Variants in NEGR1 observed in about 807,000 individuals in gnomAD.
NEGR1 encodes neuronal growth regulator 1.
NEGR1 carries 10 observed loss-of-function variants against 40.9 expected under a neutral mutation model. The ratio of observed to expected loss-of-function variants is 0.24; its 90% CI spans 0.15 to 0.42. The LOEUF is 0.42. Ranked by LOEUF, NEGR1 falls within the 10% of genes least tolerant of loss-of-function variation. NEGR1 has a pLI of 1.00. For synonymous variants in NEGR1, 185 were observed against 166.8 expected (o/e 1.11, Z -0.84); for missense variants, 352 against 438.9 (o/e 0.80, Z 1.77).
chr1:71,919,948 T>C (rs1002721699), intron 2 of NEGR1, among the ~76,000 whole-genome samples: 2 of 152,196 alleles, frequency 1.3e-5, no homozygotes, highest in African/African-American at 4.8e-5. Flanking sequence ...AGCTTCTTAA[T>C]CTGGGGAAGC....
At chr1:71,872,941 T>G (rs1310696495) in intron 2 of NEGR1, among the ~76,000 whole-genome samples, 1 of 152,030 alleles carries the variant, frequency 6.6e-6, no homozygotes, top group African/African-American at 2.4e-5. Flanking sequence ...GAAAATGGCA[T>G]AGGAAGTTAG....
chr1:71,559,603 AC>A, intron 6 of NEGR1, among the ~76,000 whole-genome samples: 1 of 151,658 alleles, frequency 6.6e-6, no homozygotes, highest in Non-Finnish European at 1.5e-5. Flanking sequence ...TAGTTCTTTC[AC>A]CCCAAAAGTT....
At chr1:71,798,420 A>G (rs1175634247) in intron 2 of NEGR1, 1 of 152,210 alleles carries the variant, frequency 6.6e-6, no homozygotes, top group African/African-American at 2.4e-5. Context: ...CAAAGCTAAG[A>G]CATTAGGTGA....
chr1:71,874,845 C>G (rs1355685811), intron 2 of NEGR1, among the ~76,000 whole-genome samples: 1 of 151,832 alleles, frequency 6.6e-6, no homozygotes, highest in Non-Finnish European at 1.5e-5. Context: ...TTTTCTTTTT[C>G]TTTTTCTTTT....
intron 3 of NEGR1, among the ~76,000 whole-genome samples, chr1:71,771,118 G>T (rs1443504732): frequency 9.2e-5 from 14 of 152,140 alleles, no homozygotes; most frequent in Admixed American, 7.9e-4. Flanking sequence ...ATACTATGCA[G>T]CCATAAAAAA....
intron 2 of NEGR1, among the ~76,000 whole-genome samples, chr1:71,805,455 T>C (rs1371639737): frequency 6.6e-6 from 1 of 152,196 alleles, no homozygotes; most frequent in Non-Finnish European, 1.5e-5. Flanking sequence ...TTTTGTACTC[T>C]TTCCCTTTAT....
chr1:71,566,018 G>C (rs748037539), intron 6 of NEGR1, among the ~76,000 whole-genome samples: 2 of 151,974 alleles, frequency 1.3e-5, no homozygotes, highest in African/African-American at 2.4e-5. Flanking sequence ...CGAGCCAAGG[G>C]ACACCAACAA....
chr1:71,623,873 C>T (rs1398055952), intron 4 of NEGR1, among the ~76,000 whole-genome samples: 1 of 151,728 alleles, frequency 6.6e-6, no homozygotes, highest in Non-Finnish European at 1.5e-5. Flanking sequence ...TGCCTAATAG[C>T]AAAAGTAATT....
intron 1 of NEGR1, among the ~76,000 whole-genome samples, chr1:72,074,180 G>A (rs531091446): frequency 6.6e-6 from 1 of 152,104 alleles, no homozygotes; most frequent in East Asian, 1.9e-4. Flanking sequence ...GATGAAATAT[G>A]TTATTAGCTC....
chr1:71,897,062 C>T (rs1660994294), intron 2 of NEGR1, among the ~76,000 whole-genome samples: 1 of 152,134 alleles, frequency 6.6e-6, no homozygotes, highest in Non-Finnish European at 1.5e-5. Flanking sequence ...CTGATACAGA[C>T]TGCACTGATT....
chr1:71,411,241 C>A (rs1646318093), intron 6 of NEGR1, among the ~76,000 whole-genome samples: 2 of 152,078 alleles, frequency 1.3e-5, no homozygotes, highest in Non-Finnish European at 2.9e-5. Flanking sequence ...TCTTTCTTCT[C>A]ATTTTAGTAT....
intron 6 of NEGR1, among the ~76,000 whole-genome samples, chr1:71,481,360 C>A (rs190075239): frequency 1.3e-5 from 2 of 151,976 alleles, no homozygotes; most frequent in African/African-American, 4.8e-5. Context: ...TCTACCATAA[C>A]CATTCTCTTT....
rs61765275 is a variant in NEGR1, at chr1:71,836,045, G to A, written c.410-59748C>T. Among the ~76,000 whole-genome samples the A allele has an allele frequency of 3.7e-3, 561 of 152,142 alleles. 1 individual carries two copies. The highest frequency in any genetic ancestry group is 6.3e-3 in the Non-Finnish European group (428 of 67,992). ...GATAACAAGGCAAAGCTATTGCAGG[G>A]TGGCTGATCAGGCTCCCTCATTATC... On this transcript the variant is annotated intron_variant, in intron 2 of 6. Coordinates refer to ENST00000357731, the MANE Select transcript of NEGR1 (RefSeq NM_173808.3).
At chr1:72,266,761 A>ACC (rs1655657814) in intron 1 of NEGR1, among the ~76,000 whole-genome samples, 1 of 149,262 alleles carries the variant, frequency 6.7e-6, no homozygotes, top group African/African-American at 2.5e-5. Context: ...ACACACACAC[A>ACC]CACCAATTTG....
At chr1:71,805,537 G>A (rs938295063) in intron 2 of NEGR1, among the ~76,000 whole-genome samples, 11 of 152,114 alleles carry the variant, frequency 7.2e-5, no homozygotes, top group African/African-American at 1.7e-4. Flanking sequence ...AATTTCGCCC[G>A]ATATCACAGA....
chr1:71,872,147 A>T (rs112134570), intron 2 of NEGR1, among the ~76,000 whole-genome samples: 2,320 of 152,310 alleles, frequency 0.015, 52 homozygotes, highest in South Asian at 0.1. Context: ...TTCTAAATTA[A>T]CCTTATGATA....
intron 6 of NEGR1, among the ~76,000 whole-genome samples, chr1:71,524,468 A>G (rs1236832626): frequency 6.6e-6 from 1 of 151,696 alleles, no homozygotes. Context: ...TTGCTTATAA[A>G]CATTTACTAT....
chr1:72,100,044 A>G (rs903777147), intron 1 of NEGR1, among the ~76,000 whole-genome samples: 1 of 152,146 alleles, frequency 6.6e-6, no homozygotes, highest in Non-Finnish European at 1.5e-5. Flanking sequence ...TTGGAATTTA[A>G]ATAACATAAT....
At chr1:71,611,506 C>T (rs2101542999) in intron 4 of NEGR1, among the ~76,000 whole-genome samples, 1 of 152,318 alleles carries the variant, frequency 6.6e-6, no homozygotes, top group South Asian at 2.1e-4. Context: ...GAGCCAGTCA[C>T]TGGGCTAGGT....
Sources: gnomAD v4.1 joint callset for allele counts (sites outside exome capture counted in the v4.1 genomes callset) on GRCh38, gnomAD v4.1.1 for gene constraint, MANE v1.5 for transcripts, NCBI Gene and HGNC (gene_info 2026-07-23, HGNC 2026-07-21) for gene names.